The following TRPM1 variants were observed in gnomAD, a reference collection of about 807,000 sequenced individuals.
The protein encoded by TRPM1 is transient receptor potential cation channel subfamily M member 1.
Under a neutral mutation model 149.4 loss-of-function variants are expected in TRPM1, and 113 were observed. The ratio of observed to expected loss-of-function variants is 0.76; its 90% CI spans 0.65 to 0.88. The LOEUF (loss-of-function observed/expected upper bound fraction) is 0.88. TRPM1 is among the 40% of genes least tolerant of loss of function. The pLI, the probability that TRPM1 is intolerant of heterozygous loss-of-function variation, is 0.00. For missense variants in TRPM1, 1,976 were observed against 2,038.7 expected (o/e 0.97, Z 0.59); for synonymous variants, 741 against 759.5 (o/e 0.98, Z 0.40).
intron 1 of TRPM1, among the ~76,000 whole-genome samples, chr15:31,126,315 C>T (rs930632117): frequency 6.6e-6 from 1 of 152,026 alleles, no homozygotes; most frequent in Non-Finnish European, 1.5e-5. Flanking sequence ...CAAAACTGAC[C>T]AAAGAGCATT....
At chr15:31,012,627 G>A (rs1231145091) in intron 27 of TRPM1, among the ~76,000 whole-genome samples, 1 of 152,150 alleles carries the variant, frequency 6.6e-6, no homozygotes, top group Non-Finnish European at 1.5e-5. Flanking sequence ...AGTTCATTGA[G>A]CTTCTTGGAT....
At position 31,070,315 on chromosome 15, in the gene TRPM1, T is replaced by C. The variant is rs1381879323; in HGVS notation, c.84-89A>G. 1.2e-5 allele frequency: 16 copies of C among 1,332,746 alleles called. 1 individual carries two copies. The highest frequency in any genetic ancestry group is 2.3e-5 in the East Asian group (1 of 43,628). The allele number at this position is 1,332,746 out of a possible 1,614,324, so 82.6% of individuals were successfully genotyped here. On this transcript the variant is annotated intron_variant, in intron 3 of 27. Coordinates refer to ENST00000256552, the MANE Select transcript of TRPM1 (RefSeq NM_001252024.2). Reference sequence around the variant, plus strand: ...AAATGAATTAACCTCAACAGGTGAGTTGGGCCCAAACAGGAGCCTACTAAC... The same window carrying C: ...AAATGAATTAACCTCAACAGGTGAGCTGGGCCCAAACAGGAGCCTACTAAC...
chr15:31,048,049 G>A (rs2033831837), intron 13 of TRPM1, 110 bp from the exon 14 acceptor site: 2 of 906,608 alleles, frequency 2.2e-6, no homozygotes, highest in South Asian at 1.3e-5. Context: ...GATCACTTGA[G>A]GTCAGTAGTT....
intron 27 of TRPM1, among the ~76,000 whole-genome samples, chr15:31,019,436 C>A (rs1240662103): frequency 6.6e-6 from 1 of 152,284 alleles, no homozygotes; most frequent in East Asian, 1.9e-4. Flanking sequence ...GAGTCTCTGT[C>A]ACGCAGGCTG....
chr15:31,016,981 ACACAC>A (rs915627258), intron 27 of TRPM1, among the ~76,000 whole-genome samples: 131 of 134,946 alleles, frequency 9.7e-4, no homozygotes, highest in Middle Eastern at 7.5e-3. Flanking sequence ...ACACACACAC[ACACAC>A]ACAAAAAAAA....
intron 2 of TRPM1, among the ~76,000 whole-genome samples, chr15:31,079,934 T>A (rs1388742573): frequency 6.6e-6 from 1 of 152,118 alleles, no homozygotes; most frequent in East Asian, 1.9e-4. Context: ...ACTTTTGACA[T>A]GGGAACATGC....
At chr15:31,082,266 G>A (rs561246368) in intron 1 of TRPM1, among the ~76,000 whole-genome samples, 6 of 152,238 alleles carry the variant, frequency 3.9e-5, no homozygotes, top group East Asian at 1.9e-4. Context: ...CCTCTGTGCC[G>A]GATGATAGGA....
intron 1 of TRPM1, among the ~76,000 whole-genome samples, chr15:31,110,525 G>A (rs2035669934): frequency 6.6e-6 from 1 of 152,222 alleles, no homozygotes; most frequent in Non-Finnish European, 1.5e-5. Flanking sequence ...TCTTTGTCTG[G>A]AAGGCAGAGG....
intron 17 of TRPM1, among the ~76,000 whole-genome samples, chr15:31,041,104 C>G (rs1190984125): frequency 2.6e-5 from 4 of 151,868 alleles, no homozygotes; most frequent in Non-Finnish European, 5.9e-5. Context: ...GCCTTCCCCA[C>G]ATGATCCAGA....
At chr15:31,053,064 TCAA>T (rs953707795) in intron 11 of TRPM1, among the ~76,000 whole-genome samples, 3 of 152,028 alleles carry the variant, frequency 2.0e-5, no homozygotes, top group East Asian at 1.9e-4. Flanking sequence ...CTCCTAAAAT[TCAA>T]CAACAAGAAA....
At chr15:31,086,089 T>G (rs1293893203) in intron 1 of TRPM1, among the ~76,000 whole-genome samples, 1 of 152,196 alleles carries the variant, frequency 6.6e-6, no homozygotes, top group Non-Finnish European at 1.5e-5. Context: ...GAGAACTACC[T>G]TCACAGTGGT....
chr15:31,123,774 T>G (rs1000298917), intron 1 of TRPM1, among the ~76,000 whole-genome samples: 1 of 152,214 alleles, frequency 6.6e-6, no homozygotes, highest in Admixed American at 6.5e-5. Context: ...TAAGACAGTC[T>G]GGCAGTTTCT....
Position 31,062,584 on chromosome 15 carries a change from C to A in TRPM1, c.1084G>T (p.Glu362Ter). 5.6e-6 allele frequency: 9 copies of A among 1,614,116 alleles called. No individual in the cohort carries two copies. The highest frequency in any genetic ancestry group is 7.6e-6 in the Non-Finnish European group (9 of 1,180,022). The change falls in exon 9 of 28, where the codon GAA becomes TAA. Residue 362 changes from glutamate (E) to a stop codon, truncating the protein, a stop_gained. Transcript: ENST00000256552. LOFTEE classifies it high-confidence loss of function. ...AATAAATTCAAGACACTTACGAGTT[C>A]TTTCTTCTTCATGCACTCCATTATA... ...AIIMECMKKK[E>*]LVTVFRMGSE...
chr15:31,134,415 C>T (rs145231811), intron 1 of TRPM1, among the ~76,000 whole-genome samples: 100 of 152,252 alleles, frequency 6.6e-4, no homozygotes, highest in Middle Eastern at 3.4e-3. Context: ...TTGAAAAACA[C>T]CATAGAAGTT....
chr15:31,067,485 C>T (rs118133913), intron 5 of TRPM1, among the ~76,000 whole-genome samples: 102 of 152,254 alleles, frequency 6.7e-4, no homozygotes, highest in East Asian at 5.8e-3. Flanking sequence ...TTTGGCATTC[C>T]TTGGCTGCCT....
intron 1 of TRPM1, among the ~76,000 whole-genome samples, chr15:31,114,939 C>G (rs908165245): frequency 5.9e-5 from 9 of 152,166 alleles, no homozygotes; most frequent in African/African-American, 2.2e-4. Context: ...AACAGAATAG[C>G]AATAATATCT....
intron 1 of TRPM1, among the ~76,000 whole-genome samples, chr15:31,098,966 A>G (rs1334809096): frequency 2.6e-5 from 4 of 152,202 alleles, no homozygotes; most frequent in African/African-American, 4.8e-5. Context: ...AGTCAGCTCT[A>G]GCATTGTAAA....
intron 1 of TRPM1, among the ~76,000 whole-genome samples, chr15:31,153,714 C>T (rs1364059185): frequency 2.0e-5 from 3 of 152,178 alleles, no homozygotes; most frequent in African/African-American, 7.2e-5. Flanking sequence ...CCCCTCCCCG[C>T]CCTTCAAGAT....
intron 11 of TRPM1, among the ~76,000 whole-genome samples, chr15:31,055,347 G>C (rs1409885218): frequency 6.6e-6 from 1 of 152,122 alleles, no homozygotes; most frequent in Non-Finnish European, 1.5e-5. Context: ...AGAAGAGGCG[G>C]GCCAGAGAGT....
Sources: allele counts gnomAD v4.1 joint callset (sites outside exome capture counted in the v4.1 genomes callset), GRCh38; gene constraint gnomAD v4.1.1; transcripts MANE v1.5; gene names NCBI Gene and HGNC (gene_info 2026-07-23, HGNC 2026-07-21).